The following SDK1 variants were observed in gnomAD, a reference collection of about 807,000 sequenced individuals.
SDK1 encodes the protein sidekick cell adhesion molecule 1.
In SDK1, 157 loss-of-function variants were observed where a neutral mutation model predicts 245.5. The observed-to-expected ratio is 0.64, with a 90% CI of 0.56 to 0.73. SDK1 has a LOEUF of 0.73. Among genes scored for constraint, SDK1 ranks in the 30% least tolerant of loss-of-function variants. SDK1 has a pLI of 0.00. For synonymous variants in SDK1, 1,647 were observed against 1,278.5 expected (o/e 1.29, Z -6.15); for missense variants, 3,583 against 3,002.3 (o/e 1.19, Z -4.52).
chr7:3,394,753 CT>C (rs1343445838), intron 1 of SDK1, among the ~76,000 whole-genome samples: 2 of 151,892 alleles, frequency 1.3e-5, no homozygotes, highest in East Asian at 3.8e-4. Context: ...TTTGTATGTA[CT>C]TTTTTAATGC....
At position 3,339,657 on chromosome 7, in the gene SDK1, T is replaced by C. The variant is rs1780293933; in HGVS notation, c.298+37773T>C. 2.6e-5 allele frequency among the ~76,000 whole-genome samples: 4 copies of C among 152,130 alleles called. No individual in the cohort carries two copies. In the South Asian group the frequency reaches 8.3e-4, roughly 32 times the overall value. ...AACACATTTATAAATAATTCATACGTCAGTCTCAAAGGAAAATATTAAACA... is the reference window on the plus strand; with the variant it reads ...AACACATTTATAAATAATTCATACGCCAGTCTCAAAGGAAAATATTAAACA... On this transcript the variant is annotated intron_variant, in intron 1 of 44. Coordinates refer to ENST00000404826, the MANE Select transcript of SDK1 (RefSeq NM_152744.4).
chr7:3,404,943 CTT>C (rs1779008814), intron 1 of SDK1, among the ~76,000 whole-genome samples: 1 of 151,966 alleles, frequency 6.6e-6, no homozygotes, highest in African/African-American at 2.4e-5. Flanking sequence ...TCAAATGAAA[CTT>C]GTGTAGAAAA....
At chr7:3,915,297 C>G (rs1195212459) in intron 5 of SDK1, among the ~76,000 whole-genome samples, 1 of 152,156 alleles carries the variant, frequency 6.6e-6, no homozygotes, top group Non-Finnish European at 1.5e-5. Flanking sequence ...TAGGAGACCC[C>G]TGAAGAGCAT....
At chr7:3,813,444 T>C (rs1362484713) in intron 4 of SDK1, among the ~76,000 whole-genome samples, 4 of 138,016 alleles carry the variant, frequency 2.9e-5, no homozygotes, top group African/African-American at 1.1e-4. Flanking sequence ...CATGAACTCA[T>C]CATTTTTTAT....
chr7:3,460,084 T>C (rs1405534610), intron 1 of SDK1, among the ~76,000 whole-genome samples: 2 of 152,218 alleles, frequency 1.3e-5, no homozygotes, highest in Non-Finnish European at 2.9e-5. Context: ...TATTTCAAAG[T>C]GGTATAATAA....
chr7:3,504,182 A>ATATATGTGTGTGTGTGTGTGTGTG, intron 1 of SDK1, among the ~76,000 whole-genome samples: 1 of 131,886 alleles, frequency 7.6e-6, no homozygotes, highest in Non-Finnish European at 1.6e-5. Context: ...ATATATATAT[A>ATATATGTGTGTGTGTGTGTGTGTG]TGTGTGTGTG....
chr7:3,462,127 C>G (rs959118618), intron 1 of SDK1, among the ~76,000 whole-genome samples: 1 of 152,150 alleles, frequency 6.6e-6, no homozygotes, highest in Non-Finnish European at 1.5e-5. Context: ...TTCTGTCATT[C>G]TATCAGAATT....
intron 35 of SDK1, among the ~76,000 whole-genome samples, chr7:4,199,415 A>G (rs1258522688): frequency 3.3e-5 from 5 of 152,212 alleles, no homozygotes; most frequent in Non-Finnish European, 7.3e-5. Flanking sequence ...AGGTGGAAGC[A>G]CTATTTCCTG....
At chr7:4,231,234 G>A (rs547817278) in intron 40 of SDK1, among the ~76,000 whole-genome samples, 13 of 152,290 alleles carry the variant, frequency 8.5e-5, no homozygotes, top group African/African-American at 2.9e-4. Flanking sequence ...TAGTGGTGAT[G>A]AGTGTCTTGG....
At chr7:4,118,757 A>G (rs941326043) in intron 25 of SDK1, among the ~76,000 whole-genome samples, 3 of 149,214 alleles carry the variant, frequency 2.0e-5, no homozygotes, top group African/African-American at 7.3e-5. Context: ...AAAGGAATGG[A>G]ATTCTGATAC....
intron 31 of SDK1, 51 bp from the exon 32 acceptor site, chr7:4,161,735 C>A: frequency 1.3e-6 from 2 of 1,493,462 alleles, no homozygotes; most frequent in Non-Finnish European, 1.9e-6. Flanking sequence ...GGAAGGGCGG[C>A]AGAACATAAC....
intron 4 of SDK1, among the ~76,000 whole-genome samples, chr7:3,780,760 C>T (rs775610683): frequency 6.6e-6 from 1 of 151,996 alleles, no homozygotes; most frequent in Non-Finnish European, 1.5e-5. Context: ...CACCTCCTGG[C>T]ATTTTGGATA....
intron 1 of SDK1, among the ~76,000 whole-genome samples, chr7:3,312,381 G>T (rs888807177): frequency 6.6e-5 from 10 of 152,150 alleles, no homozygotes; most frequent in African/African-American, 1.2e-4. Flanking sequence ...CACCGTGAAG[G>T]AGAGTTAGCA....
At chr7:3,431,507 G>C (rs1779847045) in intron 1 of SDK1, among the ~76,000 whole-genome samples, 1 of 151,826 alleles carries the variant, frequency 6.6e-6, no homozygotes, top group African/African-American at 2.4e-5. Context: ...CACATTCTTT[G>C]CTGCTTCATT....
rs1298741378 is a variant in SDK1, at chr7:4,139,417, G to A, written c.4229-6305G>A. On this transcript the variant is annotated intron_variant, in intron 28 of 44. Transcript: ENST00000404826. ...TGTGTATATGTGTGTGTGTATATGT[G>A]TGTGTGTGTATGTATATATGTGTGT... 3.2e-4 allele frequency among the ~76,000 whole-genome samples: 48 copies of A among 150,484 alleles called. 1 individual carries two copies. The highest frequency in any genetic ancestry group is 6.0e-4 in the Admixed American group (9 of 14,996).
intron 1 of SDK1, among the ~76,000 whole-genome samples, chr7:3,422,592 A>C (rs191284608): frequency 6.6e-6 from 1 of 152,176 alleles, no homozygotes; most frequent in East Asian, 1.9e-4. Context: ...CAGAAGTTCG[A>C]GACCAGCCTG....
intron 4 of SDK1, among the ~76,000 whole-genome samples, chr7:3,782,380 C>G (rs192024886): frequency 8.5e-5 from 13 of 152,332 alleles, no homozygotes; most frequent in Admixed American, 8.5e-4. Context: ...CACCTCCCAT[C>G]AGGCCTCACC....
chr7:4,096,491 G>A (rs534002842), intron 22 of SDK1, among the ~76,000 whole-genome samples: 3 of 152,274 alleles, frequency 2.0e-5, no homozygotes, highest in East Asian at 1.9e-4. Context: ...ATACCGGGAT[G>A]GGTCGTGGGA....
At position 4,149,305 on chromosome 7, in the gene SDK1, A is replaced by G. The variant is rs1344848545; in HGVS notation, c.4467A>G (p.Glu1489=). 6.3e-7 allele frequency: 1 copy of G among 1,582,866 alleles called. No homozygotes were observed. Among genetic ancestry groups the G allele is most frequent in the Non-Finnish European group, 8.6e-7 (1 of 1,164,348 alleles). The part of the protein sequence containing the change: ...PPRELLVPQA[E]VTARSLRLQW... ...GAGAGCTCCTGGTGCCCCAGGCAGA[A>G]GTGACCGCACGCAGCCTCCGGCTCC... The change falls in exon 30 of 45, where the codon GAA becomes GAG. Residue 1489 remains glutamate (E), a synonymous_variant. Coordinates refer to ENST00000404826, the MANE Select transcript of SDK1 (RefSeq NM_152744.4).
Sources: allele counts gnomAD v4.1 joint callset (sites outside exome capture counted in the v4.1 genomes callset), GRCh38; gene constraint gnomAD v4.1.1; transcripts MANE v1.5; gene names NCBI Gene and HGNC (gene_info 2026-07-23, HGNC 2026-07-21).